KCNAB1: variants seen among roughly 807,000 people sequenced by gnomAD.
KCNAB1 encodes voltage-gated potassium channel subunit beta-1.
In KCNAB1, 35 loss-of-function variants were observed where a neutral mutation model predicts 64.6. The observed-to-expected ratio is 0.54, with a 90% CI of 0.41 to 0.72. The LOEUF (loss-of-function observed/expected upper bound fraction) is 0.72. Among genes scored for constraint, KCNAB1 ranks in the 30% least tolerant of loss-of-function variants. The probability of loss-of-function intolerance (pLI) is 0.00; values close to 1 mark genes in which losing one functional copy is unlikely to be tolerated. For missense variants in KCNAB1, 401 were observed against 512.9 expected, an observed-to-expected ratio of 0.78 and a Z score of 2.11; for synonymous variants, 177 against 183.8, an observed-to-expected ratio of 0.96 and a Z score of 0.30.
intron 1 of KCNAB1, among the ~76,000 whole-genome samples, chr3:156,174,694 G>A (rs369854884): frequency 6.6e-5 from 10 of 152,182 alleles, no homozygotes; most frequent in African/African-American, 2.4e-4. Flanking sequence ...GAGAAGAGCT[G>A]GAGGGGCTGA....
chr3:156,461,535 T>C (rs1712910993), intron 5 of KCNAB1, among the ~76,000 whole-genome samples: 1 of 152,174 alleles, frequency 6.6e-6, no homozygotes, highest in Non-Finnish European at 1.5e-5. Flanking sequence ...GTTCTGTGGG[T>C]TAGGACTTTA....
intron 1 of KCNAB1, among the ~76,000 whole-genome samples, chr3:156,244,504 T>TG (rs1717343854): frequency 2.0e-5 from 3 of 152,208 alleles, no homozygotes; most frequent in Non-Finnish European, 4.4e-5. Flanking sequence ...TGGATTTCTT[T>TG]GGGGGTCACT....
At chr3:156,298,579 C>G (rs1576693126) in intron 1 of KCNAB1, among the ~76,000 whole-genome samples, 2 of 152,156 alleles carry the variant, frequency 1.3e-5, no homozygotes, top group East Asian at 3.8e-4. Flanking sequence ...TTTTAAAATT[C>G]CTTTCATCAA....
At chr3:156,143,374 A>T (rs780806735) in intron 1 of KCNAB1, 1 of 1,607,200 alleles carries the variant, frequency 6.2e-7, no homozygotes, top group Admixed American at 1.7e-5. Flanking sequence ...TGTTCATGGA[A>T]TTTCGTTGCA....
At chr3:156,307,683 A>G (rs1721598454) in intron 1 of KCNAB1, among the ~76,000 whole-genome samples, 1 of 152,224 alleles carries the variant, frequency 6.6e-6, no homozygotes, top group South Asian at 2.1e-4. Context: ...CTGTCAACTG[A>G]GCACATTATT....
At chr3:156,356,149 AGAAAG>A (rs1424471617) in intron 1 of KCNAB1, among the ~76,000 whole-genome samples, 2 of 149,816 alleles carry the variant, frequency 1.3e-5, no homozygotes, top group African/African-American at 5.0e-5. Context: ...AGAAAAGAAA[AGAAAG>A]AGAGAGAAAG....
At chr3:156,362,628 T>G (rs1725685387) in intron 1 of KCNAB1, among the ~76,000 whole-genome samples, 1 of 152,218 alleles carries the variant, frequency 6.6e-6, no homozygotes, top group African/African-American at 2.4e-5. Flanking sequence ...GTAAGATGCT[T>G]AGAACAGTGT....
intron 1 of KCNAB1, among the ~76,000 whole-genome samples, chr3:156,376,426 T>G (rs1297060812): frequency 6.6e-6 from 1 of 151,920 alleles, no homozygotes; most frequent in Non-Finnish European, 1.5e-5. Flanking sequence ...AAAGCAAAGT[T>G]CAAAGACTGA....
intron 1 of KCNAB1, among the ~76,000 whole-genome samples, chr3:156,293,003 A>G (rs1172230618): frequency 6.6e-6 from 1 of 152,226 alleles, no homozygotes; most frequent in Non-Finnish European, 1.5e-5. Context: ...TGAAATATGG[A>G]GAAAATGTAA....
intron 1 of KCNAB1, among the ~76,000 whole-genome samples, chr3:156,350,203 G>T (rs1161856894): frequency 1.3e-5 from 2 of 152,148 alleles, no homozygotes; most frequent in Non-Finnish European, 2.9e-5. Context: ...CATGAGTACA[G>T]ATGTTTAAAA....
rs1286945216 is a variant in KCNAB1, at chr3:156,508,554, C to T, written c.659-5810C>T. On this transcript the variant is annotated intron_variant, in intron 8 of 13. Transcript: ENST00000490337. This position sits in a 1 kb window ranked among gnomAD's most constrained non-coding sequence, Gnocchi z 4.1. ...TGCATATTTTTTAAAACATTGATGGCCTACATTACTGAAACAACTGTCCCC... is the reference window on the plus strand; with the variant it reads ...TGCATATTTTTTAAAACATTGATGGTCTACATTACTGAAACAACTGTCCCC... 6.6e-6 allele frequency among the ~76,000 whole-genome samples: 1 copy of T among 152,106 alleles called. No individual in the cohort carries two copies. Among genetic ancestry groups the T allele is most frequent in the Non-Finnish European group, 1.5e-5 (1 of 68,008 alleles).
At chr3:156,354,077 ATATG>A (rs1186593821) in intron 1 of KCNAB1, among the ~76,000 whole-genome samples, 1 of 127,656 alleles carries the variant, frequency 7.8e-6, no homozygotes, top group East Asian at 2.0e-4. Flanking sequence ...GTGTGTGTAT[ATATG>A]TGTGTATATA....
intron 1 of KCNAB1, among the ~76,000 whole-genome samples, chr3:156,190,680 G>A (rs1377983794): frequency 6.6e-6 from 1 of 152,022 alleles, no homozygotes; most frequent in Non-Finnish European, 1.5e-5. Context: ...TAGAAAATAG[G>A]AAAGCACTTT....
intron 1 of KCNAB1, among the ~76,000 whole-genome samples, chr3:156,223,956 C>A (rs1320443919): frequency 6.6e-6 from 1 of 152,248 alleles, no homozygotes; most frequent in African/African-American, 2.4e-5. Flanking sequence ...CTCCGTGGAG[C>A]AGGGGGCAGC....
intron 1 of KCNAB1, among the ~76,000 whole-genome samples, chr3:156,203,687 T>C (rs1006328894): frequency 6.6e-6 from 1 of 152,262 alleles, no homozygotes; most frequent in Non-Finnish European, 1.5e-5. Flanking sequence ...ATGTTTGTTT[T>C]CTGCAGTACC....
intron 1 of KCNAB1, among the ~76,000 whole-genome samples, chr3:156,323,084 C>T (rs559075682): frequency 6.6e-6 from 1 of 152,298 alleles, no homozygotes; most frequent in East Asian, 1.9e-4. Flanking sequence ...CACTGATCAG[C>T]AGGCCCTTTG....
intron 5 of KCNAB1, among the ~76,000 whole-genome samples, chr3:156,461,391 C>T (rs1425793322): frequency 6.6e-6 from 1 of 152,184 alleles, no homozygotes; most frequent in Non-Finnish European, 1.5e-5. Flanking sequence ...GCAGCTGCAG[C>T]ACTTTAACTC....
intron 1 of KCNAB1, among the ~76,000 whole-genome samples, chr3:156,408,065 G>A (rs1315259999): frequency 6.6e-6 from 1 of 152,026 alleles, no homozygotes; most frequent in Non-Finnish European, 1.5e-5. Flanking sequence ...GTGCAGTGGC[G>A]GGCGGTGGTG....
At chr3:156,316,527 A>C (rs1722288738) in intron 1 of KCNAB1, among the ~76,000 whole-genome samples, 1 of 152,254 alleles carries the variant, frequency 6.6e-6, no homozygotes, top group African/African-American at 2.4e-5. Flanking sequence ...CAGGGTTCAT[A>C]AAATAGATGA....
Sources: gnomAD v4.1 joint callset for allele counts (sites outside exome capture counted in the v4.1 genomes callset) on GRCh38, gnomAD v4.1.1 for gene constraint, Gnocchi (gnomAD v3.1) non-coding constraint, MANE v1.5 for transcripts, NCBI Gene and HGNC (gene_info 2026-07-23, HGNC 2026-07-21) for gene names.